The following CRISP1 variants were observed in gnomAD, a reference collection of about 807,000 sequenced individuals.
The protein encoded by CRISP1 is cysteine-rich secretory protein 1.
In CRISP1, 44 loss-of-function variants were observed where a neutral mutation model predicts 33.1. The ratio of observed to expected loss-of-function variants is 1.33; its 90% CI spans 1.05 to 1.71. The LOEUF is 1.71. Among genes scored for constraint, CRISP1 ranks in the 40% most tolerant of loss-of-function variants. The pLI is 0.00. For synonymous variants in CRISP1, 103 were observed against 98.7 expected, an observed-to-expected ratio of 1.04 and a Z score of -0.26; for missense variants, 390 against 301.2, an observed-to-expected ratio of 1.29 and a Z score of -2.18.
upstream of CRISP1, among the ~76,000 whole-genome samples, chr6:49,869,284 G>T (rs1045865819): frequency 6.6e-6 from 1 of 152,084 alleles, no homozygotes; most frequent in African/African-American, 2.4e-5. Flanking sequence ...TTGGTGCGAA[G>T]CCCTAGTTGC....
In CRISP1 at chr6:49,857,373, C is replaced by G. The variant is rs770408802; in HGVS notation, c.28G>C (p.Val10Leu). MEIKHLLFL[V>L]AAACLLPMLS... is the part of the protein sequence containing the mutation. Reference sequence around the variant, plus strand: ...ATAGGCAGTAAGCAAGCAGCAGCAACCAAAAACAAGAGGTGTTTAATTTCC... The same window carrying G: ...ATAGGCAGTAAGCAAGCAGCAGCAAGCAAAAACAAGAGGTGTTTAATTTCC... The change falls in exon 2 of 8, where the codon GTT becomes CTT. Residue 10 changes from valine to leucine, a missense_variant. By Grantham distance (32) the Val-to-Leu change is conservative. Transcript: ENST00000335847. 1 of 1,612,796 alleles carries G rather than the reference C, an allele frequency of 6.2e-7. No individual in the cohort carries two copies. Among genetic ancestry groups the G allele is most frequent in the Non-Finnish European group, 8.5e-7 (1 of 1,179,182 alleles).
Position 49,835,360 on chromosome 6 carries a change from G to A in CRISP1, c.706C>T (p.Leu236=), listed in dbSNP as rs996595860. The A allele has an allele frequency of 4.3e-6, 7 of 1,613,778 alleles. No individual in the cohort carries two copies. The highest frequency in any genetic ancestry group is 5.1e-6 in the Non-Finnish European group (6 of 1,179,798). ...YLGCNHSTTI[L]FCKATCLCDT... ...CACAGACAAGTGGCTTTACAGAATA[G>A]GATAGTTGTTGAGTGGTTGCATCCC... Residue 236 remains leucine, a synonymous_variant, in exon 8 of 8, where the codon CTA becomes TTA. Transcript: ENST00000335847.
intron 5 of CRISP1, among the ~76,000 whole-genome samples, chr6:49,844,173 C>T (rs1364220551): frequency 1.3e-5 from 2 of 152,074 alleles, no homozygotes; most frequent in Admixed American, 6.5e-5. Context: ...CTAAGGATGT[C>T]GCTGAACAAC....
At chr6:49,836,058 T>G (rs1339952475) in intron 7 of CRISP1, among the ~76,000 whole-genome samples, 2 of 152,216 alleles carry the variant, frequency 1.3e-5, no homozygotes, top group Non-Finnish European at 2.9e-5. Flanking sequence ...ATTTTAAATT[T>G]GTGGCAATAG....
intron 7 of CRISP1, 84 bp downstream of exon 7, chr6:49,838,352 AT>A: frequency 1.0e-6 from 1 of 962,914 alleles, no homozygotes; most frequent in Admixed American, 2.2e-5. Flanking sequence ...GAAAAGTGCG[AT>A]GTTTTTTAAT....
chr6:49,842,538 T>C (rs1364548010), intron 5 of CRISP1, among the ~76,000 whole-genome samples: 1 of 152,220 alleles, frequency 6.6e-6, no homozygotes, highest in East Asian at 1.9e-4. Flanking sequence ...AATGTATTTA[T>C]ACAAGGCTAC....
At chr6:49,868,225 C>T (rs568664817), upstream of CRISP1, among the ~76,000 whole-genome samples, 2 of 152,238 alleles carry the variant, frequency 1.3e-5, no homozygotes, top group Admixed American at 6.5e-5. Flanking sequence ...ATGTGAGTCC[C>T]AAACATGGGT....
chr6:49,867,053 A>G (rs1163948297), upstream of CRISP1, among the ~76,000 whole-genome samples: 1 of 152,168 alleles, frequency 6.6e-6, no homozygotes, highest in Non-Finnish European at 1.5e-5. Flanking sequence ...AACTTCTGCA[A>G]TTTGGGAGAA....
chr6:49,835,558 A>G (rs1271841974), intron 7 of CRISP1, 115 bp from the exon 8 acceptor site: 9 of 983,088 alleles, frequency 9.2e-6, no homozygotes, highest in Non-Finnish European at 1.3e-5. Flanking sequence ...ATTGCTAACT[A>G]AATTTAATTA....
chr6:49,838,102 G>A (rs994261968), intron 7 of CRISP1, among the ~76,000 whole-genome samples: 14 of 152,104 alleles, frequency 9.2e-5, no homozygotes, highest in Non-Finnish European at 1.8e-4. Flanking sequence ...CTAAATTATG[G>A]GTTGCAGTAA....
chr6:49,837,901 T>TA (rs56006658), intron 7 of CRISP1, among the ~76,000 whole-genome samples: 12,601 of 144,142 alleles, frequency 0.087, 630 homozygotes, highest in South Asian at 0.19. Flanking sequence ...TTCAAGAAAT[T>TA]AAAAAAAAAA....
chr6:49,856,731 T>C (rs556763068), intron 2 of CRISP1, among the ~76,000 whole-genome samples: 2 of 152,272 alleles, frequency 1.3e-5, no homozygotes, highest in East Asian at 3.9e-4. Context: ...TTTCTTTATA[T>C]CATTGAAGTT....
chr6:49,852,160 C>T (rs1302043142), intron 2 of CRISP1, 31 bp from the exon 3 acceptor site: 23 of 1,599,878 alleles, frequency 1.4e-5, no homozygotes, highest in African/African-American at 2.7e-5. Flanking sequence ...ATTAGTGTTA[C>T]TTCTTTTAAG....
chr6:49,874,617 G>T (rs1055679260), intron 1 of CRISP1, among the ~76,000 whole-genome samples: 7 of 152,012 alleles, frequency 4.6e-5, no homozygotes, highest in African/African-American at 1.7e-4. Flanking sequence ...AAAAACTTCA[G>T]GTCAATATCC....
At chr6:49,870,883 G>A (rs540976314), upstream of CRISP1, among the ~76,000 whole-genome samples, 3 of 152,140 alleles carry the variant, frequency 2.0e-5, no homozygotes, top group South Asian at 4.1e-4. Flanking sequence ...GATGACCTGA[G>A]GTCAGCTGTT....
chr6:49,846,629 G>A lies in CRISP1; in HGVS notation c.326C>T (p.Pro109Leu). The change falls in exon 5 of 8, where the codon CCT (proline) becomes CTT (leucine). Residue 109 changes from proline (P) to leucine (L), a missense_variant. Pro to Leu is a moderately conservative substitution (Grantham distance 98). Coordinates refer to ENST00000335847, the MANE Select transcript of CRISP1 (RefSeq NM_001131.3). ...TCCAATTACACTTGACCATGATACA[G>A]GATAAGATGTCATATGCATATTTTC... ...CGENMHMTSYPVSWSSVIGVW... is the reference protein window; with the variant it reads ...CGENMHMTSYLVSWSSVIGVW... 6.2e-7 allele frequency: 1 copy of A among 1,613,512 alleles called. No homozygotes were observed. Among genetic ancestry groups the A allele is most frequent in the Non-Finnish European group, 8.5e-7 (1 of 1,179,674 alleles).
At chr6:49,871,624 C>A (rs1029539823) in intron 1 of CRISP1, among the ~76,000 whole-genome samples, 15 of 142,828 alleles carry the variant, frequency 1.1e-4, no homozygotes, top group Non-Finnish European at 1.9e-4. Flanking sequence ...TGTTCAATTC[C>A]CACCTATGAG....
At chr6:49,854,399 C>T (rs1198506061) in intron 2 of CRISP1, among the ~76,000 whole-genome samples, 1 of 152,150 alleles carries the variant, frequency 6.6e-6, no homozygotes, top group African/African-American at 2.4e-5. Context: ...GAAGAAGTCT[C>T]ACTCTGCTGC....
intron 7 of CRISP1, among the ~76,000 whole-genome samples, chr6:49,836,240 T>A (rs1337569978): frequency 6.6e-6 from 1 of 152,136 alleles, no homozygotes; most frequent in African/African-American, 2.4e-5. Context: ...AATGGAAAAA[T>A]TTAAATTTTC....
Sources: allele counts gnomAD v4.1 joint callset (sites outside exome capture counted in the v4.1 genomes callset), GRCh38; gene constraint gnomAD v4.1.1; transcripts MANE v1.5; gene names NCBI Gene and HGNC (gene_info 2026-07-23, HGNC 2026-07-21).